SFRP1: variants seen among roughly 807,000 people sequenced by gnomAD.
SFRP1 encodes secreted frizzled-related protein 1.
In SFRP1, 9 loss-of-function variants were observed where a neutral mutation model predicts 25.9. That is an observed-to-expected ratio of 0.35 (90% CI 0.21 to 0.61). The LOEUF (loss-of-function observed/expected upper bound fraction) is 0.61, where lower values mean the gene tolerates loss of function less well. Ranked by LOEUF, SFRP1 falls within the 20% of genes least tolerant of loss-of-function variation. The pLI is 0.78. For synonymous variants in SFRP1, 178 were observed against 174.0 expected (o/e 1.02, Z -0.18); for missense variants, 346 against 418.2 (o/e 0.83, Z 1.51).
chr8:41,264,977 G>A lies in SFRP1; in HGVS notation c.*190C>T. ...ATGGCCCTTGCTTTACCCGGCCATG[G>A]CTACCCTGGGGTTTGGAGCGTGGCT... On this transcript the variant is annotated 3_prime_UTR_variant, in exon 3 of 3. Coordinates refer to ENST00000220772, the MANE Select transcript of SFRP1 (RefSeq NM_003012.5). 1 of 563,422 alleles carries A rather than the reference G, an allele frequency of 1.8e-6. No homozygotes were observed. The highest frequency in any genetic ancestry group is 3.1e-6 in the Non-Finnish European group (1 of 320,572). The allele number at this position is 563,422 out of a possible 1,614,324, so 34.9% of individuals were successfully genotyped here. A position where few individuals can be genotyped will look rare whatever the true frequency, so the allele number is the denominator to read the frequency against.
intron 2 of SFRP1, among the ~76,000 whole-genome samples, chr8:41,290,393 T>C (rs528898688): frequency 1.3e-5 from 2 of 152,302 alleles, no homozygotes; most frequent in Admixed American, 1.3e-4. Flanking sequence ...CCCAGTGCAA[T>C]GCTTTGGGGC....
At chr8:41,306,892 T>C (rs761061579) in intron 1 of SFRP1, 133 of 1,590,526 alleles carry the variant, frequency 8.4e-5, no homozygotes, top group Non-Finnish European at 1.1e-4. Flanking sequence ...AGGGATTCTT[T>C]CCTCTCTTCT....
chr8:41,284,012 T>C lies in SFRP1; in HGVS notation c.623-18523A>G, dbSNP rs113861263. Among the ~76,000 whole-genome samples the C allele has an allele frequency of 9.8e-4, 149 of 152,280 alleles. 1 individual carries two copies. Among genetic ancestry groups the C allele is most frequent in the African/African-American group, 3.5e-3 (144 of 41,560 alleles). On this transcript the variant is annotated intron_variant, in intron 2 of 2. Transcript: ENST00000220772. The stretch of plus-strand genomic sequence containing the variant: ...CTGGGCCAGGGGACTCTCTGGGGGA[T>C]TGCCTACAGCTCCCACCAGCATTAC...
Position 41,265,418 on chromosome 8 carries a change from G to GCTT in SFRP1, c.691_693dup (p.Lys231dup). On this transcript the variant is annotated inframe_insertion, in exon 3 of 3. Coordinates refer to ENST00000220772, the MANE Select transcript of SFRP1 (RefSeq NM_003012.5). ...TTCTTGATGGGCCCCAACTTCAGGG[G>GCTT]CTTCTTCTTCTTGGGGACAATCTTC... 2 of 1,612,342 alleles carry GCTT rather than the reference G, an allele frequency of 1.2e-6. No homozygotes were observed. The highest frequency in any genetic ancestry group is 1.7e-6 in the Non-Finnish European group (2 of 1,179,726).
At chr8:41,265,662 C>T (rs1234040388) in intron 2 of SFRP1, among the ~76,000 whole-genome samples, 173 bp from the exon 3 acceptor site, 1 of 151,990 alleles carries the variant, frequency 6.6e-6, no homozygotes. Context: ...GGCACAGGTG[C>T]AGAGTTGGTT....
chr8:41,271,544 G>A (rs574163651), intron 2 of SFRP1: 2 of 178,544 alleles, frequency 1.1e-5, no homozygotes, highest in Admixed American at 5.2e-5. Flanking sequence ...GTATGCAGAG[G>A]AGGTAGGCTT....
At chr8:41,278,760 T>C (rs1803600380) in intron 2 of SFRP1, among the ~76,000 whole-genome samples, 1 of 152,190 alleles carries the variant, frequency 6.6e-6, no homozygotes, top group Non-Finnish European at 1.5e-5. Flanking sequence ...CCACAAATAA[T>C]AATCAGCAGA....
rs1803712221 is a variant in SFRP1 at position 41,286,862 on chromosome 8, C to A, written c.622+16599G>T. 2.6e-5 allele frequency among the ~76,000 whole-genome samples: 4 copies of A among 152,222 alleles called. No individual in the cohort carries two copies. The South Asian group carries it at 8.3e-4, about 31-fold the overall frequency. ...CTCCACCAGAAGGAAGGTTCACCCA[C>A]CAACACAGCCAACTTCTGGAGAGAA... On this transcript the variant is annotated intron_variant, in intron 2 of 2. Coordinates refer to ENST00000220772, the MANE Select transcript of SFRP1 (RefSeq NM_003012.5).
intron 2 of SFRP1, among the ~76,000 whole-genome samples, chr8:41,300,119 C>T (rs762858769): frequency 6.6e-6 from 1 of 152,188 alleles, no homozygotes; most frequent in African/African-American, 2.4e-5. Flanking sequence ...CAAACAGCAG[C>T]ACAGCCAAGA....
intron 2 of SFRP1, among the ~76,000 whole-genome samples, chr8:41,289,146 T>C (rs1286119538): frequency 1.3e-5 from 2 of 152,186 alleles, no homozygotes; most frequent in Admixed American, 6.5e-5. Context: ...TGAAGGCCAG[T>C]GTTCCCAGGG....
At chr8:41,285,855 G>C (rs1803694163) in intron 2 of SFRP1, among the ~76,000 whole-genome samples, 1 of 152,180 alleles carries the variant, frequency 6.6e-6, no homozygotes, top group South Asian at 2.1e-4. Flanking sequence ...GCTAGGGTCG[G>C]GGGTGCCAAT....
At chr8:41,290,228 A>T (rs1039442306) in intron 2 of SFRP1, among the ~76,000 whole-genome samples, 1 of 152,208 alleles carries the variant, frequency 6.6e-6, no homozygotes, top group Admixed American at 6.5e-5. Flanking sequence ...TATCTCGCAG[A>T]TATAACCCCA....
chr8:41,302,765 A>G (rs970039129), intron 2 of SFRP1, among the ~76,000 whole-genome samples: 17 of 151,976 alleles, frequency 1.1e-4, no homozygotes, highest in Admixed American at 1.1e-3. Context: ...GGAAGGCCCC[A>G]AGGCCCCTGG....
chr8:41,308,535 G>A (rs944280672), intron 1 of SFRP1, 81 bp downstream of exon 1: 264 of 1,179,698 alleles, frequency 2.2e-4, no homozygotes, highest in Non-Finnish European at 3.0e-4. Context: ...GCGGGCGGGC[G>A]TAGGGTGGCG....
At chr8:41,275,466 G>A (rs1185312031) in intron 2 of SFRP1, 2 of 208,734 alleles carry the variant, frequency 9.6e-6, no homozygotes, top group Non-Finnish European at 2.0e-5. Context: ...AACAAGAGAA[G>A]TAGAGGGCAA....
chr8:41,285,202 G>A (rs898752510), intron 2 of SFRP1, among the ~76,000 whole-genome samples: 6 of 152,148 alleles, frequency 3.9e-5, no homozygotes, highest in South Asian at 2.1e-4. Flanking sequence ...TCATTTTACC[G>A]ATCAGAAAAC....
At chr8:41,267,035 A>G (rs909208551) in intron 2 of SFRP1, among the ~76,000 whole-genome samples, 4 of 152,134 alleles carry the variant, frequency 2.6e-5, no homozygotes, top group Non-Finnish European at 4.4e-5. Context: ...GACAGGCAGC[A>G]CTAATGTTCT....
At position 41,263,780 on chromosome 8, in the gene SFRP1, A is replaced by G. The variant is rs1803401766; in HGVS notation, c.*1387T>C. On this transcript the variant is annotated 3_prime_UTR_variant, in exon 3 of 3. Transcript: ENST00000220772. ...TCAGGGTACTTGGGAAAAACTGCAG[A>G]GATGTTTTGCTTTTGAAACTCTCTC... 6.6e-6 allele frequency: 1 copy of G among 152,214 alleles called. No individual in the cohort carries two copies. The highest frequency in any genetic ancestry group is 2.1e-4 in the South Asian group (1 of 4,832). The allele number at this position is 152,214 out of a possible 1,614,324, so 9.4% of individuals were successfully genotyped here.
intron 2 of SFRP1, among the ~76,000 whole-genome samples, chr8:41,297,094 G>A (rs1043267483): frequency 2.6e-5 from 4 of 152,208 alleles, no homozygotes; most frequent in African/African-American, 9.6e-5. Context: ...ACCCAGGCTG[G>A]AGTGCAGCAG....
Sources: allele counts gnomAD v4.1 joint callset (sites outside exome capture counted in the v4.1 genomes callset), GRCh38; gene constraint gnomAD v4.1.1; transcripts MANE v1.5; gene names NCBI Gene and HGNC (gene_info 2026-07-23, HGNC 2026-07-21).